THNSL1: variants seen among roughly 807,000 people sequenced by gnomAD.
THNSL1 encodes threonine synthase-like 1.
Under a neutral mutation model 50.4 loss-of-function variants are expected in THNSL1, and 48 were observed. That is an observed-to-expected ratio of 0.95 (90% CI 0.76 to 1.21). The LOEUF is 1.21. THNSL1 is among the 50% of genes most tolerant of loss of function. The pLI, the probability that THNSL1 is intolerant of heterozygous loss-of-function variation, is 0.00. For synonymous variants in THNSL1, 309 were observed against 306.1 expected (o/e 1.01, Z -0.10); for missense variants, 896 against 871.7 (o/e 1.03, Z -0.35).
chr10:25,026,412 T>C lies in THNSL1; in HGVS notation c.*957T>C, dbSNP rs1367782656. 1 of 167,058 alleles carries C rather than the reference T, an allele frequency of 6.0e-6. No homozygotes were observed. 10.3% of individuals were successfully genotyped at this position (167,058 alleles called of 1,614,324 possible). The stretch of plus-strand genomic sequence containing the variant: ...ATTTCAAGAGGAAGGTTTTCCAAAA[T>C]TAAGAGTACTTGAGTAGTCTCAATA... On this transcript the variant is annotated 3_prime_UTR_variant, in exon 3 of 3. Coordinates refer to ENST00000376356, the MANE Select transcript of THNSL1 (RefSeq NM_024838.5).
At chr10:24,996,332 G>A in the THNSL1 span, among the ~76,000 whole-genome samples, 1 of 152,150 alleles carries the variant, frequency 6.6e-6, no homozygotes, top group South Asian at 2.1e-4. Flanking sequence ...TGAGGTGGGA[G>A]GATTGCTTCA....
chr10:24,981,335 G>A, the THNSL1 span, among the ~76,000 whole-genome samples: 1 of 152,146 alleles, frequency 6.6e-6, no homozygotes, highest in African/African-American at 2.4e-5. Context: ...ACTGATTTAA[G>A]CTTATCTTTC....
chr10:24,953,496 C>T, the THNSL1 span: 1 of 152,256 alleles, frequency 6.6e-6, no homozygotes, highest in African/African-American at 2.4e-5. Flanking sequence ...AAAGCAATCG[C>T]TCTTTTCTGA....
the THNSL1 span, among the ~76,000 whole-genome samples, chr10:24,992,793 T>C: frequency 6.6e-6 from 1 of 152,150 alleles, no homozygotes; most frequent in Non-Finnish European, 1.5e-5. Flanking sequence ...TAGATATAAA[T>C]GTGTTCTGGA....
chr10:25,016,044 T>G, upstream of THNSL1: 1 of 1,475,658 alleles, frequency 6.8e-7, no homozygotes, highest in Non-Finnish European at 9.0e-7. Flanking sequence ...CTTCGCCTTC[T>G]GAAGGACCAC....
intron 2 of THNSL1, 142 bp from the exon 3 acceptor site, chr10:25,023,033 AT>A: frequency 2.0e-6 from 1 of 503,340 alleles, no homozygotes. Flanking sequence ...ACTTTTTTTA[AT>A]TCCATAAGTT....
chr10:25,009,646 T>C, the THNSL1 span, among the ~76,000 whole-genome samples: 2 of 152,124 alleles, frequency 1.3e-5, no homozygotes, highest in Non-Finnish European at 2.9e-5. Flanking sequence ...CCCATCCAAA[T>C]CTCATCTTGA....
Position 25,025,590 on chromosome 10 carries a change from C to A in THNSL1, c.*135C>A. 1.2e-6 allele frequency: 1 copy of A among 860,202 alleles called. No individual in the cohort carries two copies. Among genetic ancestry groups the A allele is most frequent in the Non-Finnish European group, 1.8e-6 (1 of 563,738 alleles). The allele number at this position is 860,202 out of a possible 1,614,324, so 53.3% of individuals were successfully genotyped here. A position where few individuals can be genotyped will look rare whatever the true frequency, so the allele number is the denominator to read the frequency against. On this transcript the variant is annotated 3_prime_UTR_variant, in exon 3 of 3. Transcript: ENST00000376356. ...CTGTTTGGAATTTCAAAAGTCTGATCTCTAGGGCTGACATGAGAACTCCAT... is the reference window on the plus strand; with the variant it reads ...CTGTTTGGAATTTCAAAAGTCTGATATCTAGGGCTGACATGAGAACTCCAT...
At chr10:24,955,607 G>A in the THNSL1 span, among the ~76,000 whole-genome samples, 28 of 152,254 alleles carry the variant, frequency 1.8e-4, no homozygotes, top group East Asian at 5.0e-3. Flanking sequence ...ATGACCAAAT[G>A]TTTGTAAAAT....
chr10:24,974,137 G>T, the THNSL1 span, among the ~76,000 whole-genome samples: 6 of 152,264 alleles, frequency 3.9e-5, no homozygotes, highest in East Asian at 1.2e-3. Flanking sequence ...GAGAGCAGAA[G>T]TTCAATGAGA....
rs1850818144 is a variant in THNSL1 at position 25,024,977 on chromosome 10, A to G, written c.1754A>G (p.Gln585Arg). The change falls in exon 3 of 3, where the codon CAG becomes CGG. Residue 585 changes from glutamine (Q) to arginine (R), a missense_variant. Transcript: ENST00000376356. The part of the protein sequence containing the change: ...HLHLMANKDG[Q>R]LMTELFNRLE... ...CACTTGATGGCTAATAAAGATGGAC[A>G]GCTAATGACAGAATTATTTAATCGA... 6.2e-7 allele frequency: 1 copy of G among 1,614,202 alleles called. No individual in the cohort carries two copies. Among genetic ancestry groups the G allele is most frequent in the South Asian group, 1.1e-5 (1 of 91,084 alleles).
At chr10:24,997,749 C>T in the THNSL1 span, among the ~76,000 whole-genome samples, 2 of 151,248 alleles carry the variant, frequency 1.3e-5, no homozygotes, top group Non-Finnish European at 2.9e-5. Context: ...TTGCTTTTGC[C>T]TTACAATGTT....
At chr10:24,976,939 C>T in the THNSL1 span, among the ~76,000 whole-genome samples, 1 of 152,108 alleles carries the variant, frequency 6.6e-6, no homozygotes, top group Non-Finnish European at 1.5e-5. Flanking sequence ...CCAATGAATC[C>T]AAATTGGAAA....
the THNSL1 span, chr10:24,999,494 T>A: frequency 6.2e-7 from 1 of 1,613,004 alleles, no homozygotes. Context: ...TTCATTGCAG[T>A]TTTAGCTTTT....
the THNSL1 span, chr10:24,995,646 C>G: frequency 6.2e-7 from 1 of 1,606,502 alleles, no homozygotes; most frequent in South Asian, 1.1e-5. Context: ...ACAAGGCTAC[C>G]TTTTTATTGA....
the THNSL1 span, among the ~76,000 whole-genome samples, chr10:24,962,397 G>C: frequency 6.6e-6 from 1 of 152,074 alleles, no homozygotes. Context: ...TGCCCTTAAT[G>C]TTTGGAATAT....
rs185966701 is a variant in THNSL1, at chr10:25,024,910, T to G, written c.1687T>G (p.Ser563Ala). 3 of 1,613,782 alleles carry G rather than the reference T, an allele frequency of 1.9e-6. No homozygotes were observed. In the African/African-American group the frequency reaches 4.0e-5, roughly 22 times the overall value. ...AAAACTAGCACAAACCTTTTCACCG[T>G]CAATAGATATTCTCAAATCTTCAAA... ...ERKLAQTFSP[S>A]IDILKSSNLE... Residue 563 changes from serine to alanine, a missense_variant, in exon 3 of 3, where the codon TCA (serine) becomes GCA (alanine). Physicochemically the swap from Ser to Ala is moderately conservative, Grantham distance 99 (BLOSUM62 1). Transcript: ENST00000376356.
At chr10:25,017,692 C>T (rs563989430) in intron 1 of THNSL1, among the ~76,000 whole-genome samples, 1 of 147,700 alleles carries the variant, frequency 6.8e-6, no homozygotes, top group Admixed American at 6.8e-5. Flanking sequence ...CTCCAGATTT[C>T]TTCACATCAG....
the THNSL1 span, among the ~76,000 whole-genome samples, chr10:24,964,675 T>C: frequency 6.6e-6 from 1 of 152,250 alleles, no homozygotes; most frequent in Non-Finnish European, 1.5e-5. Flanking sequence ...CTAAGCAATG[T>C]ACTTATGACT....
Sources: gnomAD v4.1 joint callset for allele counts (sites outside exome capture counted in the v4.1 genomes callset) on GRCh38, gnomAD v4.1.1 for gene constraint, MANE v1.5 for transcripts, NCBI Gene and HGNC (gene_info 2026-07-23, HGNC 2026-07-21) for gene names.